SRRM2: variants seen among roughly 807,000 people sequenced by gnomAD.
SRRM2 encodes serine/arginine repetitive matrix protein 2.
A neutral mutation model predicts 213.8 loss-of-function variants in SRRM2; 30 were observed. The observed-to-expected ratio is 0.14, with a 90% CI of 0.10 to 0.19. The LOEUF is 0.19. SRRM2 is among the 10% of genes least tolerant of loss of function. The pLI is 1.00. For missense variants in SRRM2, 4,904 were observed against 3,647.0 expected (o/e 1.34, Z -8.88); for synonymous variants, 2,025 against 1,377.7 (o/e 1.47, Z -10.40).
chr16:2,762,037 A>G lies in SRRM2; in HGVS notation c.1509A>G (p.Arg503=). 6.2e-7 allele frequency: 1 copy of G among 1,614,170 alleles called. No homozygotes were observed. Among genetic ancestry groups the G allele is most frequent in the Non-Finnish European group, 8.5e-7 (1 of 1,180,022 alleles). ...CTCGGTCTCGAACCCCTACCAAGAGAGGTCATTCTCGATCCCGATCTCCCC... is the reference window on the plus strand; with the variant it reads ...CTCGGTCTCGAACCCCTACCAAGAGGGGTCATTCTCGATCCCGATCTCCCC... ...GRSRSRTPTK[R]GHSRSRSPQW... The change falls in exon 11 of 15, where the codon AGA becomes AGG. Residue 503 remains arginine (R), a synonymous_variant. Transcript: ENST00000301740.
Position 2,758,477 on chromosome 16 carries a change from C to T in SRRM2, c.523C>T (p.Arg175Trp), listed in dbSNP as rs199835386. The T allele has an allele frequency of 6.6e-5, 106 of 1,613,674 alleles. No individual in the cohort carries two copies. The highest frequency in any genetic ancestry group is 8.4e-5 in the Non-Finnish European group (99 of 1,179,820). Reference protein sequence around the residue: ...PEPPKPYSLVRESSSSRSPTP... With the variant: ...PEPPKPYSLVWESSSSRSPTP... Reference sequence around the variant, plus strand: ...CTTTTCATTTTTCCCTAGCCTTGTTCGGGAGTCTAGCAGTTCTCGCTCACC... The same window carrying T: ...CTTTTCATTTTTCCCTAGCCTTGTTTGGGAGTCTAGCAGTTCTCGCTCACC... Residue 175 changes from arginine to tryptophan, a missense_variant, in exon 5 of 15, where the codon CGG (arginine) becomes TGG (tryptophan). Coordinates refer to ENST00000301740, the MANE Select transcript of SRRM2 (RefSeq NM_016333.4).
At position 2,764,046 on chromosome 16, in the gene SRRM2, A is replaced by C; in HGVS notation, c.3518A>C (p.Gln1173Pro). 6.2e-7 allele frequency: 1 copy of C among 1,614,168 alleles called. No individual in the cohort carries two copies. Among genetic ancestry groups the C allele is most frequent in the Non-Finnish European group, 8.5e-7 (1 of 1,180,034 alleles). Residue 1173 changes from glutamine (Q) to proline (P), a missense_variant, in exon 11 of 15, where the codon CAG becomes CCG. Coordinates refer to ENST00000301740, the MANE Select transcript of SRRM2 (RefSeq NM_016333.4). ...AAAGAGAAAATGGCCTTACCCCCTC[A>C]GGAGGATGCTACTGCATCACCTCCT... ...ESKEKMALPP[Q>P]EDATASPPRQ...
At chr16:2,770,811 G>A (rs529671268) in intron 14 of SRRM2, 47 bp from the exon 15 acceptor site, 2 of 1,613,536 alleles carry the variant, frequency 1.2e-6, no homozygotes, top group South Asian at 1.1e-5. Context: ...AACTGGCCTT[G>A]AGGGCTGGGG....
chr16:2,764,451 C>T lies in SRRM2; in HGVS notation c.3923C>T (p.Pro1308Leu), dbSNP rs1446949803. 2 of 1,612,934 alleles carry T rather than the reference C, an allele frequency of 1.2e-6. No individual in the cohort carries two copies. The highest frequency in any genetic ancestry group is 1.7e-6 in the Non-Finnish European group (2 of 1,179,712). The change falls in exon 11 of 15, where the codon CCA becomes CTA. Residue 1308 changes from proline to leucine, a missense_variant. By Grantham distance (98) the Pro-to-Leu change is moderately conservative. Transcript: ENST00000301740. ...VPSMASSWGGPHFSPEHKELS... is the reference protein window; with the variant it reads ...VPSMASSWGGLHFSPEHKELS... ...TCAATGGCCTCATCTTGGGGTGGGC[C>T]ACATTTTTCTCCAGAACATAAAGAA... is the stretch of plus-strand genomic sequence containing the variant.
intron 1 of SRRM2, 112 bp downstream of exon 1, chr16:2,752,958 G>A (rs1023346453): frequency 1.4e-3 from 219 of 154,248 alleles, no homozygotes; most frequent in African/African-American, 5.1e-3. Context: ...GCGCGCACGC[G>A]CGCTCGACGC....
chr16:2,762,702 G>T lies in SRRM2; in HGVS notation c.2174G>T (p.Gly725Val). ...ACACCTCAAAGAAGAGGCAGATCTG[G>T]CTCATCTTCAGAGCGGAAAAACAAA... ...SRTPQRRGRS[G>V]SSSERKNKSR... Residue 725 changes from glycine (G) to valine (V), a missense_variant, in exon 11 of 15, where the codon GGC (glycine) becomes GTC (valine). By Grantham distance (109) the Gly-to-Val change is moderately radical. Coordinates refer to ENST00000301740, the MANE Select transcript of SRRM2 (RefSeq NM_016333.4). 2 of 1,614,170 alleles carry T rather than the reference G, an allele frequency of 1.2e-6. No homozygotes were observed. The highest frequency in any genetic ancestry group is 1.7e-6 in the Non-Finnish European group (2 of 1,180,030).
intron 2 of SRRM2, 22 bp downstream of exon 2, chr16:2,756,628 G>T (rs1263309971): frequency 6.2e-7 from 1 of 1,600,634 alleles, no homozygotes; most frequent in East Asian, 2.2e-5. Flanking sequence ...CTGGGGGAGA[G>T]TCAAGCACTG....
Position 2,766,399 on chromosome 16 carries a change from G to T in SRRM2, c.5871G>T (p.Arg1957Ser). 6.2e-7 allele frequency: 1 copy of T among 1,612,590 alleles called. No individual in the cohort carries two copies. The highest frequency in any genetic ancestry group is 8.5e-7 in the Non-Finnish European group (1 of 1,179,656). Residue 1957 changes from arginine (R) to serine (S), a missense_variant, in exon 11 of 15, where the codon AGG (arginine) becomes AGT (serine). Transcript: ENST00000301740. The surrounding 1 kb of genome is among the most constrained non-coding windows in gnomAD (Gnocchi z 7.0). Reference protein sequence around the residue: ...RSRTPPVTRRRSRSRTPPVTR... With the variant: ...RSRTPPVTRRSSRSRTPPVTR... ...GAACTCCACCAGTGACTCGCAGAAGGTCCAGATCCAGGACTCCACCAGTAA... is the reference window on the plus strand; with the variant it reads ...GAACTCCACCAGTGACTCGCAGAAGTTCCAGATCCAGGACTCCACCAGTAA...
intron 12 of SRRM2, 74 bp downstream of exon 12, chr16:2,769,358 A>C: frequency 6.7e-7 from 1 of 1,483,234 alleles, no homozygotes; most frequent in South Asian, 1.4e-5. Context: ...CTGGGGTGTG[A>C]GCTCCCCGCT....
At chr16:2,768,832 A>G in intron 11 of SRRM2, 165 bp from the exon 12 acceptor site, 1 of 1,419,178 alleles carries the variant, frequency 7.0e-7, no homozygotes, top group South Asian at 1.2e-5. Context: ...AGGTTGGGTC[A>G]GCTCGCACCA....
Position 2,766,530 on chromosome 16 carries a change from T to G in SRRM2, c.6002T>G (p.Val2001Gly). ...RRRSRSRTSP[V>G]TRRRSRSRTS... ...AGATCTCGATCTCGCACATCTCCAG[T>G]AACTCGAAGAAGGTCCCGCTCTCGA... Residue 2001 changes from valine to glycine, a missense_variant, in exon 11 of 15, where the codon GTA (valine) becomes GGA (glycine). Coordinates refer to ENST00000301740, the MANE Select transcript of SRRM2 (RefSeq NM_016333.4). The surrounding 1 kb of genome is among the most constrained non-coding windows in gnomAD (Gnocchi z 7.0). 6.2e-7 allele frequency: 1 copy of G among 1,613,488 alleles called. No homozygotes were observed. The highest frequency in any genetic ancestry group is 8.5e-7 in the Non-Finnish European group (1 of 1,179,890).
chr16:2,761,296 TGTA>T lies in SRRM2; in HGVS notation c.1033-262_1033-260del, dbSNP rs559215656. 3.9e-5 allele frequency among the ~76,000 whole-genome samples: 6 copies of T among 152,374 alleles called. No homozygotes were observed. The East Asian group carries it at 9.6e-4, about 24-fold the overall frequency. ...GTTTTTTTCCATTCTTATAACATTT[TGTA>T]GTGGTATTTGTTAAATGTAGTAGTG... On this transcript the variant is annotated intron_variant, in intron 10 of 14. Transcript: ENST00000301740.
chr16:2,765,124 C>T lies in SRRM2; in HGVS notation c.4596C>T (p.Pro1532=), dbSNP rs762669080. The T allele has an allele frequency of 1.9e-6, 3 of 1,614,180 alleles. No homozygotes were observed. The highest frequency in any genetic ancestry group is 2.2e-5 in the South Asian group (2 of 91,082). The change falls in exon 11 of 15, where the codon CCC becomes CCT. Residue 1532 remains proline, a synonymous_variant. Coordinates refer to ENST00000301740, the MANE Select transcript of SRRM2 (RefSeq NM_016333.4). ...ATCAGAAAACTGTGGCTCGGACTCC[C>T]CTGGGGCAGAGAAGTCGTTCGGGAT... The part of the protein sequence containing the change: ...SVDQKTVART[P]LGQRSRSGSS...
Position 2,761,972 on chromosome 16 carries a change from G to T in SRRM2, c.1444G>T (p.Gly482Trp), listed in dbSNP as rs760838656. The T allele has an allele frequency of 6.2e-7, 1 of 1,614,112 alleles. No homozygotes were observed. Among genetic ancestry groups the T allele is most frequent in the South Asian group, 1.1e-5 (1 of 91,080 alleles). The change falls in exon 11 of 15, where the codon GGG (glycine) becomes TGG (tryptophan). Residue 482 changes from glycine to tryptophan, a missense_variant. Gly to Trp is a radical substitution (Grantham distance 184). Transcript: ENST00000301740. The stretch of plus-strand genomic sequence containing the variant: ...TTCTCATACCCCCTCCCGTAGGATG[G>T]GGAGGTCCCGTAGCCCTGCCACCGC... ...SHSHTPSRRM[G>W]RSRSPATAKR...
rs201876773 is a variant in SRRM2, at chr16:2,762,342, G to C, written c.1814G>C (p.Arg605Pro). 4.3e-6 allele frequency: 7 copies of C among 1,613,906 alleles called. No homozygotes were observed. Among genetic ancestry groups the C allele is most frequent in the African/African-American group, 2.7e-5 (2 of 74,908 alleles). ...RSRTPTRRRS[R>P]SRTPARRGRS... ...AGAACTCCCACCAGGCGTAGGTCTC[G>C]GTCTAGAACACCAGCCCGGAGGGGC... The change falls in exon 11 of 15, where the codon CGG becomes CCG. Residue 605 changes from arginine to proline, a missense_variant. Coordinates refer to ENST00000301740, the MANE Select transcript of SRRM2 (RefSeq NM_016333.4).
At chr16:2,770,038 T>G in intron 12 of SRRM2, 1 of 886,782 alleles carries the variant, frequency 1.1e-6, no homozygotes. Flanking sequence ...TCCCCCTCCC[T>G]TGGGTCCCCA....
At position 2,763,756 on chromosome 16, in the gene SRRM2, G is replaced by C. The variant is rs2068445377; in HGVS notation, c.3228G>C (p.Val1076=). The C allele has an allele frequency of 1.2e-6, 2 of 1,614,062 alleles. No homozygotes were observed. The highest frequency in any genetic ancestry group is 1.7e-6 in the Non-Finnish European group (2 of 1,179,932). ...GATCTGATACTTCAAGTCCAGAAGT[G>C]AGACAGAGTCATTCAGAATCACCAT... ...DHRSDTSSPE[V]RQSHSESPSL... Residue 1076 remains valine, a synonymous_variant, in exon 11 of 15, where the codon GTG becomes GTC. Transcript: ENST00000301740.
intron 5 of SRRM2, 97 bp downstream of exon 5, chr16:2,758,644 G>C (rs1474785828): frequency 2.5e-6 from 3 of 1,221,216 alleles, no homozygotes; most frequent in Non-Finnish European, 3.6e-6. Flanking sequence ...CACAAAGCAG[G>C]AGATAGTTGT....
Position 2,765,779 on chromosome 16 carries a change from C to G in SRRM2, c.5251C>G (p.Pro1751Ala). The G allele has an allele frequency of 4.3e-6, 7 of 1,614,146 alleles. No individual in the cohort carries two copies. Among genetic ancestry groups the G allele is most frequent in the Non-Finnish European group, 5.1e-6 (6 of 1,180,038 alleles). Reference protein sequence around the residue: ...SSRRRRSASSPRTKTTSRRGR... With the variant: ...SSRRRRSASSARTKTTSRRGR... ...ACGCCGACGGCGCTCAGCTTCATCT[C>G]CACGCACTAAGACAACCTCAAGGAG... The change falls in exon 11 of 15, where the codon CCA becomes GCA. Residue 1751 changes from proline to alanine, a missense_variant. Transcript: ENST00000301740.
Sources: allele counts gnomAD v4.1 joint callset (sites outside exome capture counted in the v4.1 genomes callset), GRCh38; gene constraint gnomAD v4.1.1; non-coding constraint Gnocchi (gnomAD v3.1); transcripts MANE v1.5; gene names NCBI Gene and HGNC (gene_info 2026-07-23, HGNC 2026-07-21).